The following CBLB variants were observed in gnomAD, a reference collection of about 807,000 sequenced individuals.
CBLB encodes the protein Cbl proto-oncogene B.
In CBLB, 31 loss-of-function variants were observed where a neutral mutation model predicts 104.9. The observed-to-expected ratio is 0.30, with a 90% confidence interval of 0.22 to 0.40. The LOEUF is 0.40. Among genes scored for constraint, CBLB ranks in the 10% least tolerant of loss-of-function variants. The pLI is 1.00. For missense variants in CBLB, 1,062 were observed against 1,214.6 expected (o/e 0.87, Z 1.87); for synonymous variants, 440 against 422.6 (o/e 1.04, Z -0.51).
At chr3:105,717,440 A>G (rs1407804249) in intron 10 of CBLB, among the ~76,000 whole-genome samples, 2 of 152,216 alleles carry the variant, frequency 1.3e-5, no homozygotes, top group Admixed American at 6.5e-5. Flanking sequence ...AGGGCCAGGT[A>G]GTGAATATTT....
chr3:105,823,106 G>A (rs1459020280), intron 3 of CBLB, among the ~76,000 whole-genome samples: 1 of 152,138 alleles, frequency 6.6e-6, no homozygotes, highest in Non-Finnish European at 1.5e-5. Flanking sequence ...GAGGACAGAA[G>A]GTTTAAACAG....
intron 3 of CBLB, among the ~76,000 whole-genome samples, chr3:105,788,083 G>A (rs569057356): frequency 5.3e-4 from 80 of 152,168 alleles, no homozygotes; most frequent in African/African-American, 1.8e-3. Flanking sequence ...TGTAGTAGAC[G>A]CAGGATAACA....
intron 10 of CBLB, among the ~76,000 whole-genome samples, chr3:105,711,249 G>GGTAT (rs1485970268): frequency 6.6e-6 from 1 of 151,728 alleles, no homozygotes; most frequent in Non-Finnish European, 1.5e-5. Flanking sequence ...ATCTGAAAAA[G>GGTAT]GTATATACAG....
intron 3 of CBLB, among the ~76,000 whole-genome samples, chr3:105,845,955 A>C (rs2090189543): frequency 6.6e-6 from 1 of 152,084 alleles, no homozygotes; most frequent in Non-Finnish European, 1.5e-5. Flanking sequence ...TCTACTTCCT[A>C]TCTGGCAGAC....
intron 9 of CBLB, among the ~76,000 whole-genome samples, chr3:105,730,287 T>C (rs970610750): frequency 6.6e-6 from 1 of 152,032 alleles, no homozygotes; most frequent in Non-Finnish European, 1.5e-5. Flanking sequence ...ACACAATAGC[T>C]AGTGAATGGA....
chr3:105,799,319 G>A (rs992434479), intron 3 of CBLB, among the ~76,000 whole-genome samples: 10 of 151,998 alleles, frequency 6.6e-5, no homozygotes, highest in Non-Finnish European at 1.5e-5. Context: ...TTGGGTAGAC[G>A]TTATGTAAGA....
Position 105,762,035 on chromosome 3 carries a change from T to C in CBLB, c.567-10417A>G, listed in dbSNP as rs188827690. 8.2e-3 allele frequency: 1,243 copies of C among 152,380 alleles called. 9 individuals are homozygous for C. The highest frequency in any genetic ancestry group is 0.013 in the Non-Finnish European group (911 of 68,076). 9.4% of individuals were successfully genotyped at this position (152,380 alleles called of 1,614,324 possible). ...AGCATTTTGCCCCACCCTAGAGATCTGTGTAACTTTTAACTTCAGAGAGAT... is the reference window on the plus strand; with the variant it reads ...AGCATTTTGCCCCACCCTAGAGATCCGTGTAACTTTTAACTTCAGAGAGAT... On this transcript the variant is annotated intron_variant, in intron 4 of 18. Coordinates refer to ENST00000394030, the MANE Select transcript of CBLB (RefSeq NM_170662.5).
chr3:105,802,141 A>T (rs540709470), intron 3 of CBLB, among the ~76,000 whole-genome samples: 1 of 152,354 alleles, frequency 6.6e-6, no homozygotes, highest in Admixed American at 6.5e-5. Flanking sequence ...CATACATCCA[A>T]AGATACCTGC....
intron 3 of CBLB, among the ~76,000 whole-genome samples, chr3:105,802,180 C>T (rs2082954428): frequency 2.6e-5 from 4 of 152,158 alleles, no homozygotes; most frequent in Admixed American, 6.6e-5. Context: ...TTCTTTTCTT[C>T]ATTACTCGGC....
intron 10 of CBLB, among the ~76,000 whole-genome samples, chr3:105,719,204 T>C (rs967905689): frequency 3.0e-4 from 45 of 152,358 alleles, no homozygotes; most frequent in South Asian, 6.2e-4. Flanking sequence ...AGAATATTTT[T>C]AATCAAATTC....
intron 12 of CBLB, among the ~76,000 whole-genome samples, chr3:105,696,302 T>C (rs561298734): frequency 5.3e-5 from 8 of 151,864 alleles, no homozygotes; most frequent in African/African-American, 1.9e-4. Flanking sequence ...AAAATGGCTG[T>C]TCATATTTAT....
At chr3:105,802,623 T>C (rs2083022470) in intron 3 of CBLB, among the ~76,000 whole-genome samples, 1 of 152,148 alleles carries the variant, frequency 6.6e-6, no homozygotes, top group African/African-American at 2.4e-5. Flanking sequence ...ATAAAAATCA[T>C]TTACTTGCCC....
intron 3 of CBLB, among the ~76,000 whole-genome samples, chr3:105,797,448 G>A (rs2082369207): frequency 6.7e-6 from 1 of 150,044 alleles, no homozygotes; most frequent in African/African-American, 2.4e-5. Flanking sequence ...ACTTGAGGGT[G>A]AAGGGCAGGA....
intron 12 of CBLB, among the ~76,000 whole-genome samples, chr3:105,696,063 T>TATAC (rs1275800672): frequency 2.6e-5 from 4 of 151,688 alleles, no homozygotes; most frequent in East Asian, 3.9e-4. Flanking sequence ...CATACATATA[T>TATAC]ATACATACAT....
intron 17 of CBLB, 108 bp from the exon 18 acceptor site, chr3:105,670,460 T>C: frequency 1.1e-6 from 1 of 922,996 alleles, no homozygotes; most frequent in South Asian, 1.5e-5. Context: ...AAAAATAAAT[T>C]AGAAAATTAA....
At chr3:105,708,984 A>G (rs1212485428) in intron 10 of CBLB, among the ~76,000 whole-genome samples, 2 of 151,960 alleles carry the variant, frequency 1.3e-5, no homozygotes, top group African/African-American at 4.8e-5. Context: ...AATCCCATTA[A>G]AGTTACTGTT....
At chr3:105,859,264 T>C (rs113417389) in intron 2 of CBLB, among the ~76,000 whole-genome samples, 1 of 152,204 alleles carries the variant, frequency 6.6e-6, no homozygotes, top group African/African-American at 2.4e-5. Flanking sequence ...TATAAGACTT[T>C]CATTATAAAA....
chr3:105,867,731 T>C (rs1485966624), intron 1 of CBLB, 140 bp from the exon 2 acceptor site: 1 of 709,966 alleles, frequency 1.4e-6, no homozygotes, highest in African/African-American at 1.8e-5. Context: ...TTCATCTTTA[T>C]CAATAAGCTT....
chr3:105,718,695 G>T (rs774272305), intron 10 of CBLB, among the ~76,000 whole-genome samples: 1 of 152,178 alleles, frequency 6.6e-6, no homozygotes, highest in Non-Finnish European at 1.5e-5. Context: ...TGTGTTGAAA[G>T]GCTCTGTTGG....
Sources: gnomAD v4.1 joint callset for allele counts (sites outside exome capture counted in the v4.1 genomes callset) on GRCh38, gnomAD v4.1.1 for gene constraint, MANE v1.5 for transcripts, NCBI Gene and HGNC (gene_info 2026-07-23, HGNC 2026-07-21) for gene names.